The following CIITA variants were observed in gnomAD, a reference collection of about 807,000 sequenced individuals.
CIITA encodes class II major histocompatibility complex transactivator.
In CIITA, 72 loss-of-function variants were observed where a neutral mutation model predicts 115.1. The ratio of observed to expected loss-of-function variants is 0.63; its 90% CI spans 0.52 to 0.76. CIITA has a LOEUF of 0.76. Among genes scored for constraint, CIITA ranks in the 30% least tolerant of loss-of-function variants. The pLI is 0.00. For synonymous variants in CIITA, 763 were observed against 635.6 expected, an observed-to-expected ratio of 1.20 and a Z score of -3.02; for missense variants, 1,617 against 1,463.8, an observed-to-expected ratio of 1.10 and a Z score of -1.71.
At chr16:10,878,781 T>C (rs187299942) in intron 1 of CIITA, among the ~76,000 whole-genome samples, 90 of 152,348 alleles carry the variant, frequency 5.9e-4, no homozygotes, top group African/African-American at 2.0e-3. Flanking sequence ...AGGAACCGAC[T>C]GGAGGCAGGG....
At position 10,906,670 on chromosome 16, in the gene CIITA, C is replaced by A; in HGVS notation, c.1178C>A (p.Ala393Asp). Reference protein sequence around the residue: ...ATPDWAERQLAQGGLAEVLLA... With the variant: ...ATPDWAERQLDQGGLAEVLLA... ...CCGGACTGGGCAGAACGGCAGCTGG[C>A]CCAAGGAGGCCTGGCTGAGGTGCTG... The change falls in exon 11 of 20, where the codon GCC becomes GAC. Residue 393 changes from alanine to aspartate, a missense_variant. Coordinates refer to ENST00000324288, the MANE Select transcript of CIITA (RefSeq NM_000246.4). The A allele has an allele frequency of 6.2e-7, 1 of 1,613,316 alleles. No homozygotes were observed. Among genetic ancestry groups the A allele is most frequent in the South Asian group, 1.1e-5 (1 of 91,076 alleles).
At chr16:10,866,593 A>G (rs925300731) in intron 1 of CIITA, 1 of 510,132 alleles carries the variant, frequency 2.0e-6, no homozygotes, top group Admixed American at 2.2e-5. Context: ...ATCACTTTTA[A>G]TCAAGGAGAA....
chr16:10,918,227 G>T (rs551815948), intron 15 of CIITA, among the ~76,000 whole-genome samples: 5 of 152,222 alleles, frequency 3.3e-5, no homozygotes, highest in Non-Finnish European at 7.3e-5. Flanking sequence ...TGGGACAGGT[G>T]GGGGCAGGAG....
At chr16:10,877,848 C>A (rs981877181) in intron 1 of CIITA, among the ~76,000 whole-genome samples, 4 of 152,168 alleles carry the variant, frequency 2.6e-5, no homozygotes, top group African/African-American at 9.7e-5. Flanking sequence ...GGAGAGCTGG[C>A]GGATGCTGCC....
At position 10,942,032 on chromosome 16, in the gene CIITA, G is replaced by A; in HGVS notation, n.1158G>A. 2.2e-6 allele frequency: 3 copies of A among 1,372,786 alleles called. No individual in the cohort carries two copies. Among genetic ancestry groups the A allele is most frequent in the South Asian group, 3.7e-5 (2 of 53,404 alleles). 85.0% of individuals were successfully genotyped at this position (1,372,786 alleles called of 1,614,324 possible). A position where few individuals can be genotyped will look rare whatever the true frequency, so the allele number is the denominator to read the frequency against. ...CAGCGGGTGGCAAGGGCGGCGGCCC[G>A]GCGATCCCGGCGAACTCAGCCGCTG... On this transcript the variant is annotated non_coding_transcript_exon_variant, in exon 2 of 2. Coordinates refer to the CIITA transcript ENST00000573379. The surrounding 1 kb of genome is among the most constrained non-coding windows in gnomAD (Gnocchi z 5.0).
rs1205872699 is a variant in CIITA at position 10,903,735 on chromosome 16, G to A, written c.777G>A (p.Glu259=). 3.1e-6 allele frequency: 5 copies of A among 1,614,132 alleles called. No individual in the cohort carries two copies. The South Asian group carries it at 4.4e-5, about 14-fold the overall frequency. Residue 259 remains glutamate (E), a synonymous_variant, in exon 9 of 20, where the codon GAG becomes GAA. Coordinates refer to ENST00000324288, the MANE Select transcript of CIITA (RefSeq NM_000246.4). ...CACTCTCCACCCCCAATGTAGGTGA[G>A]GTGCCCCAGGCCAGCCAAGTACCCC... is the stretch of plus-strand genomic sequence containing the variant. The part of the protein sequence containing the change: ...GVSSIFIYHG[E]VPQASQVPPP...
rs1459608599 is a variant in CIITA at position 10,877,309 on chromosome 16, G to A, written c.-22G>A. The A allele has an allele frequency of 6.2e-7, 1 of 1,610,894 alleles. No individual in the cohort carries two copies. Among genetic ancestry groups the A allele is most frequent in the Non-Finnish European group, 8.5e-7 (1 of 1,178,574 alleles). ...GGGCTGCCAGACTCCGGGAGCTGCT[G>A]CCTGGCTGGGATTCCTACACAATGC... On this transcript the variant is annotated 5_prime_UTR_variant, in exon 1 of 20. Coordinates refer to ENST00000324288, the MANE Select transcript of CIITA (RefSeq NM_000246.4).
intron 17 of CIITA, 50 bp from the exon 18 acceptor site, chr16:10,922,357 G>T: frequency 6.2e-7 from 1 of 1,611,952 alleles, no homozygotes. Context: ...CCTTGGTCTG[G>T]AGCTGGGGAG....
rs922461783 is a variant in CIITA, at chr16:10,941,842, C to A, written n.968C>A. ...CATGTCCTCGGGCAGGAAGACGAGG[C>A]CCACGTTGAGGACGATGTACTCCAT... On this transcript the variant is annotated non_coding_transcript_exon_variant, in exon 2 of 2. Transcript: ENST00000573379. The surrounding 1 kb of genome is among the most constrained non-coding windows in gnomAD (Gnocchi z 6.4). 6.2e-7 allele frequency: 1 copy of A among 1,613,172 alleles called. No individual in the cohort carries two copies. The highest frequency in any genetic ancestry group is 2.2e-5 in the East Asian group (1 of 44,886).
At chr16:10,903,415 G>C (rs181488313) in intron 8 of CIITA, among the ~76,000 whole-genome samples, 10 of 152,320 alleles carry the variant, frequency 6.6e-5, no homozygotes, top group Admixed American at 1.3e-4. Context: ...CTCAGAAGCA[G>C]AGAAGCAGTT....
intron 13 of CIITA, among the ~76,000 whole-genome samples, chr16:10,913,664 G>T (rs1470595292): frequency 1.3e-5 from 2 of 151,716 alleles, no homozygotes; most frequent in African/African-American, 4.8e-5. Context: ...CTCTGGCCAG[G>T]CGCAGTGGCT....
At chr16:10,915,743 A>C (rs891980744) in intron 14 of CIITA, 93 bp downstream of exon 14, 2 of 1,115,870 alleles carry the variant, frequency 1.8e-6, no homozygotes, top group Non-Finnish European at 2.7e-6. Flanking sequence ...GGCCTCAAGT[A>C]GTCCTCCTGC....
chr16:10,892,410 T>G (rs997129223), intron 1 of CIITA, among the ~76,000 whole-genome samples: 7 of 152,132 alleles, frequency 4.6e-5, no homozygotes, highest in African/African-American at 1.7e-4. Context: ...CTTCAATGTA[T>G]TCTCTTCTGG....
Position 10,909,347 on chromosome 16 carries a change from C to T in CIITA, c.2816+160C>T, listed in dbSNP as rs1167473874. Reference sequence around the variant, plus strand: ...TGGCTAACCAGAGTCTCTCACTGCACTCGCTGCCCAGGCGGAGCCTCTAGA... The same window carrying T: ...TGGCTAACCAGAGTCTCTCACTGCATTCGCTGCCCAGGCGGAGCCTCTAGA... On this transcript the variant is annotated intron_variant, in intron 12 of 19. Coordinates refer to ENST00000324288, the MANE Select transcript of CIITA (RefSeq NM_000246.4). Among the ~76,000 whole-genome samples, 5 of 152,266 alleles carry T rather than the reference C, an allele frequency of 3.3e-5. 1 individual carries two copies. The East Asian group carries it at 7.7e-4, about 23-fold the overall frequency.
In CIITA at chr16:10,906,833, T is replaced by C. The variant is rs1383010151; in HGVS notation, c.1341T>C (p.Phe447=). ...WACGRLPQYD[F]VFSVPCHCLN... ...GTGGCCGGCTTCCCCAGTACGACTT[T>C]GTCTTCTCTGTCCCCTGCCATTGCT... Residue 447 remains phenylalanine, a synonymous_variant, in exon 11 of 20, where the codon TTT becomes TTC. Coordinates refer to ENST00000324288, the MANE Select transcript of CIITA (RefSeq NM_000246.4). 1.2e-6 allele frequency: 2 copies of C among 1,613,034 alleles called. No homozygotes were observed. The highest frequency in any genetic ancestry group is 1.7e-6 in the Non-Finnish European group (2 of 1,180,028).
chr16:10,870,169 C>CAAAAAAA (rs34256366), intron 1 of CIITA, among the ~76,000 whole-genome samples: 1 of 46,246 alleles, frequency 2.2e-5, no homozygotes, highest in African/African-American at 8.0e-5. Context: ...GTACTTCCTG[C>CAAAAAAA]AAAAAAAAAA....
Position 10,902,730 on chromosome 16 carries a change from C to G in CIITA, c.701C>G (p.Ser234Cys). Reference protein sequence around the residue: ...EGPIQFVPTISTLPHGLWQIS... With the variant: ...EGPIQFVPTICTLPHGLWQIS... The stretch of plus-strand genomic sequence containing the variant: ...CCCATCCAGTTTGTCCCCACCATCT[C>G]CACTCTGCCCCATGGGCTCTGGCAA... The change falls in exon 8 of 20, where the codon TCC becomes TGC. Residue 234 changes from serine (S) to cysteine (C), a missense_variant. Ser to Cys is a moderately radical substitution (Grantham distance 112, BLOSUM62 -1). Coordinates refer to ENST00000324288, the MANE Select transcript of CIITA (RefSeq NM_000246.4). 6.2e-7 allele frequency: 1 copy of G among 1,614,256 alleles called. No individual in the cohort carries two copies. The highest frequency in any genetic ancestry group is 8.5e-7 in the Non-Finnish European group (1 of 1,180,030).
At chr16:10,903,592 A>G in intron 8 of CIITA, 139 bp from the exon 9 acceptor site, 1 of 925,252 alleles carries the variant, frequency 1.1e-6, no homozygotes, top group Non-Finnish European at 1.7e-6. Flanking sequence ...CTGTCCTGAA[A>G]TATCTTCCTT....
intron 1 of CIITA, among the ~76,000 whole-genome samples, chr16:10,869,247 A>G (rs554667421): frequency 6.6e-6 from 1 of 152,228 alleles, no homozygotes; most frequent in East Asian, 1.9e-4. Context: ...CCCTGCTCTC[A>G]TCCCCTACTC....
Sources: allele counts gnomAD v4.1 joint callset (sites outside exome capture counted in the v4.1 genomes callset), GRCh38; gene constraint gnomAD v4.1.1; non-coding constraint Gnocchi (gnomAD v3.1); transcripts MANE v1.5; gene names NCBI Gene and HGNC (gene_info 2026-07-23, HGNC 2026-07-21).